The following RGSL1 variants were observed in gnomAD, a reference collection of about 807,000 sequenced individuals.
The protein encoded by RGSL1 is regulator of G protein signaling like 1.
In RGSL1, 97 loss-of-function variants were observed where a neutral mutation model predicts 124.7. The ratio of observed to expected loss-of-function variants is 0.78; its 90% CI spans 0.66 to 0.92. The LOEUF is 0.92. Among genes scored for constraint, RGSL1 ranks in the 40% least tolerant of loss-of-function variants. RGSL1 has a pLI of 0.00. For synonymous variants in RGSL1, 424 were observed against 438.1 expected, an observed-to-expected ratio of 0.97 and a Z score of 0.40; for missense variants, 1,233 against 1,288.4, an observed-to-expected ratio of 0.96 and a Z score of 0.66.
chr1:182,554,524 T>A, intron 19 of RGSL1, 103 bp from the exon 20 acceptor site: 1 of 926,224 alleles, frequency 1.1e-6, no homozygotes, highest in East Asian at 2.6e-5. Flanking sequence ...ATTGGAGGTG[T>A]CCGTGGAAGC....
intron 10 of RGSL1, among the ~76,000 whole-genome samples, chr1:182,524,180 T>A (rs1383357910): frequency 6.6e-6 from 1 of 152,204 alleles, no homozygotes; most frequent in Non-Finnish European, 1.5e-5. Context: ...TATTAAGGAA[T>A]TCGCATTGAT....
At chr1:182,524,725 CA>C (rs1658612135) in intron 10 of RGSL1, among the ~76,000 whole-genome samples, 1 of 152,182 alleles carries the variant, frequency 6.6e-6, no homozygotes, top group Non-Finnish European at 1.5e-5. Flanking sequence ...TGAAGCTCCA[CA>C]AAAAAGCCAA....
At chr1:182,496,681 T>G (rs555594998) in intron 9 of RGSL1, among the ~76,000 whole-genome samples, 1 of 152,360 alleles carries the variant, frequency 6.6e-6, no homozygotes, top group African/African-American at 2.4e-5. Flanking sequence ...GCAAAAATAC[T>G]TTCCCACTCT....
At chr1:182,508,290 GTTTTTTTTTTTTTT>G (rs58641894) in intron 9 of RGSL1, among the ~76,000 whole-genome samples, 1 of 53,784 alleles carries the variant, frequency 1.9e-5, no homozygotes, top group Non-Finnish European at 3.1e-5. Flanking sequence ...TGGTGGTGGT[GTTTTTTTTTTTTTT>G]TTTTTTTTTT....
chr1:182,540,499 A>G lies in RGSL1; in HGVS notation c.2669+78A>G, dbSNP rs541299353. On this transcript the variant is annotated intron_variant, in intron 15 of 21. Coordinates refer to ENST00000294854, the MANE Select transcript of RGSL1 (RefSeq NM_001137669.2). Reference sequence around the variant, plus strand: ...GGACTGCCCAGCAGAAACTGGCTTGATCTGTTAGAGATACAGTGATTTCAG... The same window carrying G: ...GGACTGCCCAGCAGAAACTGGCTTGGTCTGTTAGAGATACAGTGATTTCAG... 1.3e-4 allele frequency: 172 copies of G among 1,363,802 alleles called. 1 individual carries two copies. In the East Asian group the frequency reaches 4.2e-3, roughly 34 times the overall value. The allele number at this position is 1,363,802 out of a possible 1,614,324, so 84.5% of individuals were successfully genotyped here.
intron 6 of RGSL1, among the ~76,000 whole-genome samples, chr1:182,481,695 G>A (rs1235055274): frequency 6.6e-6 from 1 of 152,136 alleles, no homozygotes; most frequent in Non-Finnish European, 1.5e-5. Context: ...AAGAAAATAC[G>A]AGCATGGCCA....
intron 4 of RGSL1, among the ~76,000 whole-genome samples, chr1:182,470,588 G>A (rs563062925): frequency 7.9e-5 from 12 of 151,876 alleles, no homozygotes; most frequent in South Asian, 6.2e-4. Flanking sequence ...CTTTTATCCC[G>A]TTCCACATTT....
chr1:182,525,393 G>A (rs1338991075), intron 10 of RGSL1, among the ~76,000 whole-genome samples: 1 of 152,000 alleles, frequency 6.6e-6, no homozygotes, highest in African/African-American at 2.4e-5. Flanking sequence ...AAGAATTAAA[G>A]GAAGGTATGA....
chr1:182,517,152 G>A (rs1657957748), intron 9 of RGSL1, among the ~76,000 whole-genome samples: 1 of 151,898 alleles, frequency 6.6e-6, no homozygotes, highest in African/African-American at 2.4e-5. Context: ...TTCTTGCATG[G>A]CAGTGTTTTT....
At chr1:182,472,289 A>T in intron 4 of RGSL1, 107 bp from the exon 5 acceptor site, 4 of 998,976 alleles carry the variant, frequency 4.0e-6, no homozygotes, top group Non-Finnish European at 5.7e-6. Context: ...ATGATGATTG[A>T]TGCAGTGGAA....
intron 2 of RGSL1, among the ~76,000 whole-genome samples, chr1:182,454,751 C>A (rs769823537): frequency 3.3e-5 from 5 of 151,572 alleles, no homozygotes; most frequent in Non-Finnish European, 7.4e-5. Context: ...ACAAACCTAT[C>A]TATTTCCTTA....
chr1:182,544,114 C>G (rs1453162788), intron 15 of RGSL1, among the ~76,000 whole-genome samples: 4 of 151,790 alleles, frequency 2.6e-5, no homozygotes, highest in Non-Finnish European at 1.5e-5. Flanking sequence ...AGTCTTTCTA[C>G]TTTTTTGATG....
At chr1:182,449,044 G>T (rs553611930), upstream of RGSL1, among the ~76,000 whole-genome samples, 25 of 152,216 alleles carry the variant, frequency 1.6e-4, no homozygotes, top group African/African-American at 6.0e-4. Flanking sequence ...GATAATTCAA[G>T]GAATAATATG....
chr1:182,551,338 C>T, intron 18 of RGSL1, 129 bp downstream of exon 18: 1 of 710,228 alleles, frequency 1.4e-6, no homozygotes, highest in South Asian at 1.8e-5. Flanking sequence ...AGCTCATTTA[C>T]TTGGCCCTCA....
chr1:182,491,622 C>T (rs780297913), intron 8 of RGSL1, among the ~76,000 whole-genome samples: 1 of 152,192 alleles, frequency 6.6e-6, no homozygotes, highest in Non-Finnish European at 1.5e-5. Flanking sequence ...CCTGGACCCA[C>T]TGCAGAAATA....
Position 182,489,048 on chromosome 1 carries a change from T to C in RGSL1, c.1563T>C (p.Leu521=). 6.4e-7 allele frequency: 1 copy of C among 1,551,632 alleles called. No individual in the cohort carries two copies. ...REFIGKEENI[L]LYKRIQQSLE... ...TTATAGGCAAAGAAGAGAACATTCTTCTTTATAAGAGGATTCAGCAGTCTC... is the reference window on the plus strand; with the variant it reads ...TTATAGGCAAAGAAGAGAACATTCTCCTTTATAAGAGGATTCAGCAGTCTC... The change falls in exon 8 of 22, where the codon CTT becomes CTC. Residue 521 remains leucine (L), a synonymous_variant. Coordinates refer to ENST00000294854, the MANE Select transcript of RGSL1 (RefSeq NM_001137669.2).
intron 9 of RGSL1, among the ~76,000 whole-genome samples, chr1:182,495,509 C>A (rs959459292): frequency 6.6e-6 from 1 of 152,178 alleles, no homozygotes; most frequent in African/African-American, 2.4e-5. Flanking sequence ...CCTGGCTTAC[C>A]AGCCAAACCA....
chr1:182,556,078 A>G lies in RGSL1; in HGVS notation c.*21A>G. On this transcript the variant is annotated 3_prime_UTR_variant, in exon 21 of 22. Coordinates refer to ENST00000294854, the MANE Select transcript of RGSL1 (RefSeq NM_001137669.2). ...AGTAATCAAGCGAGACCCCCAGCAG[A>G]GATAAATCATCTCTTAGAGGCCTCC... 6.5e-7 allele frequency: 1 copy of G among 1,550,062 alleles called. No individual in the cohort carries two copies. Among genetic ancestry groups the G allele is most frequent in the Non-Finnish European group, 8.7e-7 (1 of 1,145,774 alleles).
rs1660379203 is a variant in RGSL1, at chr1:182,548,743, T to A, written c.2852T>A (p.Ile951Asn). 3 of 1,551,624 alleles carry A rather than the reference T, an allele frequency of 1.9e-6. No homozygotes were observed. Among genetic ancestry groups the A allele is most frequent in the Non-Finnish European group, 2.6e-6 (3 of 1,146,976 alleles). The stretch of plus-strand genomic sequence containing the variant: ...CAGAAGGATGCCATCCTTGCTGCCA[T>A]CACAGAGGGCTACCTAGATCGGAGC... ...EFQKDAILAAITEGYLDRSVF... is the reference protein window; with the variant it reads ...EFQKDAILAANTEGYLDRSVF... Residue 951 changes from isoleucine to asparagine, a missense_variant, in exon 17 of 22, where the codon ATC becomes AAC. Ile to Asn is a moderately radical substitution (Grantham distance 149). Transcript: ENST00000294854.
Sources: gnomAD v4.1 joint callset for allele counts (sites outside exome capture counted in the v4.1 genomes callset) on GRCh38, gnomAD v4.1.1 for gene constraint, MANE v1.5 for transcripts, NCBI Gene and HGNC (gene_info 2026-07-23, HGNC 2026-07-21) for gene names.